FHIP1A: variants seen among roughly 807,000 people sequenced by gnomAD.
FHIP1A encodes the protein FHF complex subunit HOOK-interacting protein 1A.
A neutral mutation model predicts 88.6 loss-of-function variants in FHIP1A; 61 were observed. That is an observed-to-expected ratio of 0.69 (90% CI 0.56 to 0.85). The LOEUF (loss-of-function observed/expected upper bound fraction) is 0.85. FHIP1A is among the 40% of genes least tolerant of loss of function. The pLI is 0.00. For missense variants in FHIP1A, 1,154 were observed against 1,273.5 expected (o/e 0.91, Z 1.43); for synonymous variants, 478 against 496.0 (o/e 0.96, Z 0.48).
chr4:151,511,656 C>T (rs1332389927), intron 3 of FHIP1A, among the ~76,000 whole-genome samples: 4 of 152,204 alleles, frequency 2.6e-5, no homozygotes, highest in Non-Finnish European at 5.9e-5. Flanking sequence ...CTCGGAGAGT[C>T]CTACACCCAC....
chr4:151,495,603 A>G (rs1292294759), intron 3 of FHIP1A, among the ~76,000 whole-genome samples: 1 of 149,960 alleles, frequency 6.7e-6, no homozygotes, highest in Non-Finnish European at 1.5e-5. Flanking sequence ...GATTTTTATT[A>G]TCTTTTTGTT....
intron 3 of FHIP1A, among the ~76,000 whole-genome samples, chr4:151,519,035 A>G (rs1240990114): frequency 6.6e-6 from 1 of 152,182 alleles, no homozygotes; most frequent in Non-Finnish European, 1.5e-5. Flanking sequence ...TCTTCAGCAT[A>G]TCTATCATTA....
chr4:151,526,479 C>T (rs373948946), intron 3 of FHIP1A, among the ~76,000 whole-genome samples: 5,830 of 110,622 alleles, frequency 0.053, 14 homozygotes, highest in Middle Eastern at 0.069. Flanking sequence ...GCTGGCCGGG[C>T]GGGGGGCTGA....
chr4:151,431,052 A>G (rs1184959590), intron 1 of FHIP1A, among the ~76,000 whole-genome samples: 1 of 152,224 alleles, frequency 6.6e-6, no homozygotes, highest in African/African-American at 2.4e-5. Context: ...CCTAGCAATA[A>G]TAAGATTTGT....
At chr4:151,582,473 A>G (rs930632944) in intron 5 of FHIP1A, among the ~76,000 whole-genome samples, 2 of 152,302 alleles carry the variant, frequency 1.3e-5, no homozygotes, top group African/African-American at 2.4e-5. Context: ...CTTAGTGAAG[A>G]AATGGAAATT....
At chr4:151,571,035 A>G (rs1358647693) in intron 4 of FHIP1A, among the ~76,000 whole-genome samples, 1 of 152,238 alleles carries the variant, frequency 6.6e-6, no homozygotes, top group African/African-American at 2.4e-5. Flanking sequence ...AGTAAGAAGC[A>G]TTAGCCCACC....
At chr4:151,415,266 A>C (rs990887199) in intron 1 of FHIP1A, among the ~76,000 whole-genome samples, 9 of 151,446 alleles carry the variant, frequency 5.9e-5, no homozygotes, top group Non-Finnish European at 1.3e-4. Flanking sequence ...AGCTCACTGC[A>C]ACCTCTCCCT....
chr4:151,474,573 G>T (rs555388557), intron 2 of FHIP1A, among the ~76,000 whole-genome samples: 12 of 152,358 alleles, frequency 7.9e-5, no homozygotes, highest in African/African-American at 2.9e-4. Flanking sequence ...AATCACAGAA[G>T]ATTCTTCAGC....
At chr4:151,534,632 A>G (rs774690677) in intron 3 of FHIP1A, 6 of 152,258 alleles carry the variant, frequency 3.9e-5, no homozygotes, top group Non-Finnish European at 7.3e-5. Flanking sequence ...TTTCAAATTT[A>G]ACTGACAACC....
At chr4:151,602,927 C>T (rs1734929648) in intron 7 of FHIP1A, among the ~76,000 whole-genome samples, 1 of 152,186 alleles carries the variant, frequency 6.6e-6, no homozygotes, top group Non-Finnish European at 1.5e-5. Flanking sequence ...CCTTTCTACA[C>T]TACCTAAAAG....
chr4:151,451,312 T>C (rs1728779903), intron 1 of FHIP1A, among the ~76,000 whole-genome samples: 1 of 152,190 alleles, frequency 6.6e-6, no homozygotes, highest in Admixed American at 6.5e-5. Flanking sequence ...ACATTTTTAC[T>C]TAGTCAAATG....
rs1736096066 is a variant in FHIP1A, at chr4:151,629,984, CTTTTTT to C, written c.1146+116_1146+121del. On this transcript the variant is annotated intron_variant, in intron 8 of 13. Coordinates refer to ENST00000435205, the MANE Select transcript of FHIP1A (RefSeq NM_001109977.3). Reference sequence around the variant, plus strand: ...TTTGCTCTCCTTTTTTTTTCTTTTTCTTTTTTGGTTGTTGTTGTTTTGTGGCCATTA... The same window carrying C: ...TTTGCTCTCCTTTTTTTTTCTTTTTCGGTTGTTGTTGTTTTGTGGCCATTA... 3 of 909,388 alleles carry C rather than the reference CTTTTTT, an allele frequency of 3.3e-6. No homozygotes were observed. The African/African-American group carries it at 5.1e-5, about 16-fold the overall frequency. The allele number at this position is 909,388 out of a possible 1,614,324, so 56.3% of individuals were successfully genotyped here.
intron 1 of FHIP1A, among the ~76,000 whole-genome samples, chr4:151,430,006 G>A (rs1032210187): frequency 2.6e-5 from 4 of 152,144 alleles, no homozygotes; most frequent in Admixed American, 6.5e-5. Flanking sequence ...AGTCCTAAAA[G>A]AATTGTTCCT....
chr4:151,591,093 C>CTTTTTT (rs552966792), intron 7 of FHIP1A, among the ~76,000 whole-genome samples: 1 of 140,842 alleles, frequency 7.1e-6, no homozygotes, highest in African/African-American at 2.6e-5. Flanking sequence ...TGTTGGTTTG[C>CTTTTTT]TTTTTTTTTT....
intron 3 of FHIP1A, among the ~76,000 whole-genome samples, chr4:151,491,055 T>C (rs1246888613): frequency 6.6e-6 from 1 of 152,094 alleles, no homozygotes; most frequent in Admixed American, 6.6e-5. Context: ...TCTAAAAGTT[T>C]GGAAAACTTA....
At chr4:151,592,315 T>G (rs1734468729) in intron 7 of FHIP1A, among the ~76,000 whole-genome samples, 1 of 152,118 alleles carries the variant, frequency 6.6e-6, no homozygotes. Flanking sequence ...TTTGTATTTT[T>G]AGTAGAGATG....
rs58538673 is a variant in FHIP1A, at chr4:151,496,716, C to CTTTTTTTTTTTTTTTT, written c.-123+14070_-123+14085dup. On this transcript the variant is annotated intron_variant, in intron 3 of 13. Coordinates refer to ENST00000435205, the MANE Select transcript of FHIP1A (RefSeq NM_001109977.3). ...CACAGGAGCATACCACCACGTCCAG[C>CTTTTTTTTTTTTTTTT]TTTTTTTTTTTTTTTTTGTATTTTT... Among the ~76,000 whole-genome samples, 225 of 102,378 alleles carry CTTTTTTTTTTTTTTTT rather than the reference C, an allele frequency of 2.2e-3. 1 individual carries two copies. Among genetic ancestry groups the CTTTTTTTTTTTTTTTT allele is most frequent in the Non-Finnish European group, 2.7e-3 (144 of 53,056 alleles). The allele number at this position is 102,378 out of a possible 152,430, so 67.2% of individuals were successfully genotyped here.
intron 3 of FHIP1A, among the ~76,000 whole-genome samples, chr4:151,549,205 CAG>C (rs902681404): frequency 1.1e-4 from 17 of 152,018 alleles, no homozygotes; most frequent in African/African-American, 4.1e-4. Flanking sequence ...AGCAGGTAAT[CAG>C]GGGAACAGAC....
intron 2 of FHIP1A, among the ~76,000 whole-genome samples, chr4:151,475,582 G>A (rs1266216454): frequency 1.3e-5 from 2 of 152,152 alleles, no homozygotes; most frequent in Admixed American, 1.3e-4. Flanking sequence ...CAAGCTTGGT[G>A]CATCAGAGGG....
Sources: gnomAD v4.1 joint callset for allele counts (sites outside exome capture counted in the v4.1 genomes callset) on GRCh38, gnomAD v4.1.1 for gene constraint, MANE v1.5 for transcripts, NCBI Gene and HGNC (gene_info 2026-07-23, HGNC 2026-07-21) for gene names.